The following ROBO1 variants were observed in gnomAD, a reference collection of about 807,000 sequenced individuals.
ROBO1 encodes roundabout guidance receptor 1.
Under a neutral mutation model 195.9 loss-of-function variants are expected in ROBO1, and 149 were observed. The observed-to-expected ratio is 0.76, with a 90% CI of 0.67 to 0.87. The LOEUF (loss-of-function observed/expected upper bound fraction) is 0.87, where lower values mean the gene tolerates loss of function less well. Among genes scored for constraint, ROBO1 ranks in the 40% least tolerant of loss-of-function variants. The pLI is 0.00. For synonymous variants in ROBO1, 816 were observed against 733.2 expected, an observed-to-expected ratio of 1.11 and a Z score of -1.82; for missense variants, 1,933 against 2,068.3, an observed-to-expected ratio of 0.93 and a Z score of 1.27.
intron 2 of ROBO1, among the ~76,000 whole-genome samples, chr3:79,564,136 A>T (rs939179418): frequency 4.7e-5 from 7 of 149,746 alleles, no homozygotes; most frequent in African/African-American, 1.8e-4. Context: ...ACAATTAGAA[A>T]ATCCAGACTG....
chr3:78,791,102 G>A (rs1455310480), intron 4 of ROBO1, among the ~76,000 whole-genome samples: 1 of 152,116 alleles, frequency 6.6e-6, no homozygotes, highest in Non-Finnish European at 1.5e-5. Context: ...CAAACCTGAG[G>A]CCCTGCCAGT....
chr3:78,626,583 A>C (rs1704794823), intron 26 of ROBO1, among the ~76,000 whole-genome samples: 1 of 152,162 alleles, frequency 6.6e-6, no homozygotes, highest in African/African-American at 2.4e-5. Context: ...GTCAAGGGCA[A>C]AAAAACAGTA....
At position 78,606,996 on chromosome 3, in the gene ROBO1, G is replaced by A. The variant is rs773570158; in HGVS notation, c.4481C>T (p.Thr1494Ile). The change falls in exon 29 of 31, where the codon ACT becomes ATT. Residue 1494 changes from threonine (T) to isoleucine (I), a missense_variant. Thr to Ile is a moderately conservative substitution (Grantham distance 89, BLOSUM62 -1). Transcript: ENST00000464233. ...TTCCAGCTGTGTCTTGGATTGGGCAGTAGGTGACTTTATAGCAGGTGGCGG... is the reference window on the plus strand; with the variant it reads ...TTCCAGCTGTGTCTTGGATTGGGCAATAGGTGACTTTATAGCAGGTGGCGG... ...PVPPPAIKSP[T>I]AQSKTQLEVR... is the part of the protein sequence containing the mutation. The A allele has an allele frequency of 6.8e-6, 11 of 1,613,710 alleles. No homozygotes were observed. The highest frequency in any genetic ancestry group is 2.2e-5 in the South Asian group (2 of 91,078).
At chr3:79,160,184 T>C (rs1353443234) in intron 2 of ROBO1, among the ~76,000 whole-genome samples, 1 of 151,952 alleles carries the variant, frequency 6.6e-6, no homozygotes, top group Non-Finnish European at 1.5e-5. Context: ...ATAATTGATT[T>C]CTCAAGCGTT....
intron 2 of ROBO1, among the ~76,000 whole-genome samples, chr3:79,261,705 C>T: frequency 6.6e-6 from 1 of 151,700 alleles, no homozygotes. Flanking sequence ...AATTTACTTG[C>T]CAAAGATATT....
intron 4 of ROBO1, among the ~76,000 whole-genome samples, chr3:78,747,720 C>T (rs1373352944): frequency 3.3e-5 from 5 of 152,062 alleles, no homozygotes; most frequent in Non-Finnish European, 7.4e-5. Context: ...CAACTGGATA[C>T]TAATATAATA....
chr3:78,717,986 A>G, intron 5 of ROBO1, 103 bp from the exon 6 acceptor site: 1 of 1,137,682 alleles, frequency 8.8e-7, no homozygotes, highest in East Asian at 2.4e-5. Flanking sequence ...CATATAAATC[A>G]AAGCATAATT....
chr3:79,064,803 CCTTT>C (rs2078978336), intron 3 of ROBO1, among the ~76,000 whole-genome samples: 3 of 151,970 alleles, frequency 2.0e-5, no homozygotes, highest in Non-Finnish European at 4.4e-5. Flanking sequence ...TGATACTCAT[CCTTT>C]CTAATACTCA....
At chr3:79,132,747 G>A (rs2080317340) in intron 2 of ROBO1, among the ~76,000 whole-genome samples, 1 of 37,102 alleles carries the variant, frequency 2.7e-5, no homozygotes, top group Non-Finnish European at 4.5e-5. Flanking sequence ...TGGTTATTTT[G>A]CTCATTAGTT....
chr3:79,112,913 T>TA (rs1206456459), intron 3 of ROBO1, among the ~76,000 whole-genome samples: 1 of 150,660 alleles, frequency 6.6e-6, no homozygotes, highest in Admixed American at 6.6e-5. Flanking sequence ...TAAAGTATAA[T>TA]AAAAAAATAA....
At chr3:79,682,723 A>T (rs533998601) in intron 1 of ROBO1, among the ~76,000 whole-genome samples, 5 of 152,140 alleles carry the variant, frequency 3.3e-5, no homozygotes, top group African/African-American at 1.2e-4. Flanking sequence ...AGAAAAATAG[A>T]ACTTCCTCAT....
chr3:78,720,233 T>C (rs1016238182), intron 5 of ROBO1, among the ~76,000 whole-genome samples: 7 of 152,192 alleles, frequency 4.6e-5, no homozygotes, highest in African/African-American at 1.7e-4. Flanking sequence ...AGTAAAAATT[T>C]TGTGGGAGGA....
chr3:79,707,753 C>A (rs1947818132), intron 1 of ROBO1, among the ~76,000 whole-genome samples: 1 of 152,248 alleles, frequency 6.6e-6, no homozygotes, highest in Middle Eastern at 3.4e-3. Context: ...TGTGATCTGC[C>A]CACCTTGGCC....
chr3:79,259,075 CCTA>C (rs202078856), intron 2 of ROBO1, among the ~76,000 whole-genome samples: 2,865 of 152,112 alleles, frequency 0.019, 87 homozygotes, highest in African/African-American at 0.064. Context: ...TCTAAAATTT[CCTA>C]CTTTTTTTTC....
chr3:79,671,379 A>G (rs374088446), intron 1 of ROBO1, among the ~76,000 whole-genome samples: 3 of 151,910 alleles, frequency 2.0e-5, no homozygotes, highest in South Asian at 4.1e-4. Context: ...TAGGTACCCT[A>G]TAAGAATATC....
At chr3:79,592,795 T>C (rs1248425584) in intron 1 of ROBO1, among the ~76,000 whole-genome samples, 1 of 152,082 alleles carries the variant, frequency 6.6e-6, no homozygotes, top group Non-Finnish European at 1.5e-5. Flanking sequence ...GTGTTGTGCA[T>C]TTTATGGGTT....
At position 78,668,572 on chromosome 3, in the gene ROBO1, AG is replaced by A. The variant is rs752967069; in HGVS notation, c.1549-8del. 6.2e-7 allele frequency: 1 copy of A among 1,612,274 alleles called. No individual in the cohort carries two copies. Among genetic ancestry groups the A allele is most frequent in the Non-Finnish European group, 8.5e-7 (1 of 1,178,942 alleles). ...ACCGACCAGTATCACCCAGCTGAGAAGGCAGACAAAAAATAAATATTTGGAA... is the reference window on the plus strand; with the variant it reads ...ACCGACCAGTATCACCCAGCTGAGAAGCAGACAAAAAATAAATATTTGGAA... On this transcript the variant is annotated splice_polypyrimidine_tract_variant and splice_region_variant and intron_variant, in intron 11 of 30. Transcript: ENST00000464233.
chr3:78,970,187 T>C (rs966501812), intron 3 of ROBO1, among the ~76,000 whole-genome samples: 1 of 152,186 alleles, frequency 6.6e-6, no homozygotes, highest in Non-Finnish European at 1.5e-5. Flanking sequence ...ATTTTGAATA[T>C]ATTAAATACT....
intron 8 of ROBO1, among the ~76,000 whole-genome samples, chr3:78,707,488 A>G (rs1472425877): frequency 2.6e-5 from 4 of 152,252 alleles, no homozygotes; most frequent in Admixed American, 6.5e-5. Flanking sequence ...ATGTTTTAAC[A>G]TTCCTATTGT....
Sources: allele counts gnomAD v4.1 joint callset (sites outside exome capture counted in the v4.1 genomes callset), GRCh38; gene constraint gnomAD v4.1.1; transcripts MANE v1.5; gene names NCBI Gene and HGNC (gene_info 2026-07-23, HGNC 2026-07-21).